THRB: variants seen among roughly 807,000 people sequenced by gnomAD.
The protein encoded by THRB is nuclear receptor subfamily 1 group A member 2.
Under a neutral mutation model 47.8 loss-of-function variants are expected in THRB, and 12 were observed. That is an observed-to-expected ratio of 0.25 (90% confidence interval 0.16 to 0.41). The LOEUF (loss-of-function observed/expected upper bound fraction) is 0.41. THRB is among the 10% of genes least tolerant of loss of function. The pLI is 1.00. For synonymous variants in THRB, 218 were observed against 212.2 expected, an observed-to-expected ratio of 1.03 and a Z score of -0.24; for missense variants, 348 against 589.2, an observed-to-expected ratio of 0.59 and a Z score of 4.24.
intron 4 of THRB, among the ~76,000 whole-genome samples, chr3:24,217,716 T>C (rs1172203528): frequency 1.3e-5 from 2 of 152,172 alleles, no homozygotes; most frequent in Non-Finnish European, 2.9e-5. Flanking sequence ...TGTGATTGTA[T>C]CATGCTAAGT....
chr3:24,344,595 G>T (rs1162532781), intron 1 of THRB, among the ~76,000 whole-genome samples: 1 of 151,808 alleles, frequency 6.6e-6, no homozygotes, highest in Non-Finnish European at 1.5e-5. Context: ...ATCCTCTAAT[G>T]TACTAAATTC....
At chr3:24,137,106 C>T in intron 8 of THRB, among the ~76,000 whole-genome samples, 1 of 152,228 alleles carries the variant, frequency 6.6e-6, no homozygotes, top group Non-Finnish European at 1.5e-5. Context: ...GCATTTATTA[C>T]TATCACTTTT....
rs71855335 is a variant in THRB at position 24,477,085 on chromosome 3, GGTGTGTGTGT to G, written c.-261+17557_-261+17566del. Reference sequence around the variant, plus strand: ...ATGATCCAGGACATACATATAAAGGGGTGTGTGTGTGTGTGTGTGTGTGTGTGTGTGTGGT... The same window carrying G: ...ATGATCCAGGACATACATATAAAGGGGTGTGTGTGTGTGTGTGTGTGTGGT... On this transcript the variant is annotated intron_variant, in intron 1 of 10. Transcript: ENST00000646209. Among the ~76,000 whole-genome samples, 1,091 of 137,578 alleles carry G rather than the reference GGTGTGTGTGT, an allele frequency of 7.9e-3. 12 individuals carry two copies. Among genetic ancestry groups the G allele is most frequent in the African/African-American group, 0.027 (1,026 of 37,668 alleles). 90.3% of individuals were successfully genotyped at this position (137,578 alleles called of 152,430 possible). A position where few individuals can be genotyped will look rare whatever the true frequency, so the allele number is the denominator to read the frequency against.
Position 24,438,086 on chromosome 3 carries a change from ATT to A in THRB, c.-261+56564_-261+56565del, listed in dbSNP as rs60044476. Among the ~76,000 whole-genome samples, 764 of 150,588 alleles carry A rather than the reference ATT, an allele frequency of 5.1e-3. 6 individuals carry two copies. The highest frequency in any genetic ancestry group is 0.017 in the African/African-American group (700 of 40,962). ...CTGACAGTTAGGTGGGGCAGGCACAATTTTTTTTTTTATTTTATTATTATTTC... is the reference window on the plus strand; with the variant it reads ...CTGACAGTTAGGTGGGGCAGGCACAATTTTTTTTTATTTTATTATTATTTC... On this transcript the variant is annotated intron_variant, in intron 1 of 10. Coordinates refer to ENST00000646209, the MANE Select transcript of THRB (RefSeq NM_001354712.2).
At chr3:24,236,271 G>A (rs577365609) in intron 3 of THRB, among the ~76,000 whole-genome samples, 6 of 152,240 alleles carry the variant, frequency 3.9e-5, no homozygotes, top group Admixed American at 2.0e-4. Context: ...AGATGGCTTT[G>A]GGTCTCAGTT....
intron 3 of THRB, among the ~76,000 whole-genome samples, chr3:24,254,145 C>T (rs59165107): frequency 0.079 from 10,697 of 135,328 alleles, 965 homozygotes; most frequent in African/African-American, 0.23. Flanking sequence ...AGGTGGATCA[C>T]GAGGTCAGGA....
chr3:24,326,318 C>T (rs2061591369), intron 2 of THRB, among the ~76,000 whole-genome samples: 1 of 152,168 alleles, frequency 6.6e-6, no homozygotes, highest in Non-Finnish European at 1.5e-5. Flanking sequence ...TCACTGCAAC[C>T]TCCGCCTCCC....
chr3:24,357,834 C>T (rs989072555), intron 1 of THRB, among the ~76,000 whole-genome samples: 3 of 152,224 alleles, frequency 2.0e-5, no homozygotes, highest in Admixed American at 6.5e-5. Flanking sequence ...TAACAATGTG[C>T]GTCTTTTCAT....
chr3:24,269,403 GCACACACACA>G (rs200586026), intron 3 of THRB, among the ~76,000 whole-genome samples: 9,933 of 72,310 alleles, frequency 0.14, 385 homozygotes, highest in East Asian at 0.23. Flanking sequence ...GCGCGCGCGC[GCACACACACA>G]CACACACACA....
chr3:24,377,434 T>C (rs1350636017), intron 1 of THRB, among the ~76,000 whole-genome samples: 2 of 121,044 alleles, frequency 1.7e-5, no homozygotes, highest in Non-Finnish European at 3.6e-5. Flanking sequence ...AGCTAAGTGA[T>C]GTAAGGGTGA....
At chr3:24,393,602 T>A (rs1206806464) in intron 1 of THRB, among the ~76,000 whole-genome samples, 1 of 152,128 alleles carries the variant, frequency 6.6e-6, no homozygotes, top group Non-Finnish European at 1.5e-5. Context: ...AACAGGCAGC[T>A]ACATTTCATC....
chr3:24,202,892 A>G (rs1575826201), intron 4 of THRB, among the ~76,000 whole-genome samples: 1 of 152,344 alleles, frequency 6.6e-6, no homozygotes, highest in East Asian at 1.9e-4. Context: ...GCCCACAGAG[A>G]TAAAGCATTT....
rs545341460 is a variant in THRB, at chr3:24,349,530, A to C, written c.-260-12159T>G. Among the ~76,000 whole-genome samples the C allele has an allele frequency of 4.6e-5, 7 of 152,276 alleles. No homozygotes were observed. In the South Asian group the frequency reaches 1.4e-3, roughly 32 times the overall value. Reference sequence around the variant, plus strand: ...AATAGATCACAAGAGCTCCAAAGAGAGTACAAAAACAGAAACACATATACC... The same window carrying C: ...AATAGATCACAAGAGCTCCAAAGAGCGTACAAAAACAGAAACACATATACC... On this transcript the variant is annotated intron_variant, in intron 1 of 10. Transcript: ENST00000646209.
At chr3:24,173,167 A>T (rs112005805) in intron 5 of THRB, among the ~76,000 whole-genome samples, 11 of 152,128 alleles carry the variant, frequency 7.2e-5, no homozygotes, top group African/African-American at 2.7e-4. Flanking sequence ...CAAGCCCTCC[A>T]GGGGATTCTG....
intron 1 of THRB, among the ~76,000 whole-genome samples, chr3:24,473,386 G>A (rs1694984185): frequency 6.6e-6 from 1 of 152,150 alleles, no homozygotes; most frequent in African/African-American, 2.4e-5. Context: ...CCACATAAAT[G>A]AGATACCATC....
chr3:24,467,769 A>G (rs908416822), intron 1 of THRB, among the ~76,000 whole-genome samples: 1 of 152,214 alleles, frequency 6.6e-6, no homozygotes, highest in African/African-American at 2.4e-5. Flanking sequence ...TAGCCTAGGC[A>G]GAGTAGATTT....
chr3:24,302,925 T>G (rs1237435084), intron 2 of THRB, among the ~76,000 whole-genome samples: 2 of 152,350 alleles, frequency 1.3e-5, no homozygotes, highest in East Asian at 3.9e-4. Flanking sequence ...ACTTACTGAT[T>G]TTTCTACATT....
chr3:24,203,187 T>C (rs1488267735), intron 4 of THRB, among the ~76,000 whole-genome samples: 1 of 152,120 alleles, frequency 6.6e-6, no homozygotes, highest in Non-Finnish European at 1.5e-5. Context: ...CTGCAGTGGG[T>C]GGCTCTCTTG....
intron 5 of THRB, among the ~76,000 whole-genome samples, chr3:24,189,659 C>T (rs769703208): frequency 6.6e-6 from 1 of 152,122 alleles, no homozygotes; most frequent in Non-Finnish European, 1.5e-5. Context: ...TAAAGGTAGG[C>T]ATTGAGATCC....
Sources: allele counts gnomAD v4.1 joint callset (sites outside exome capture counted in the v4.1 genomes callset), GRCh38; gene constraint gnomAD v4.1.1; transcripts MANE v1.5; gene names NCBI Gene and HGNC (gene_info 2026-07-23, HGNC 2026-07-21).